Variants in CLIP2 observed in about 807,000 individuals in gnomAD.
CLIP2 encodes the protein CAP-Gly domain-containing linker protein 2.
Under a neutral mutation model 111.7 loss-of-function variants are expected in CLIP2, and 41 were observed. That is an observed-to-expected ratio of 0.37 (90% CI 0.29 to 0.48). The LOEUF (loss-of-function observed/expected upper bound fraction) is 0.48, where lower values mean the gene tolerates loss of function less well. Among genes scored for constraint, CLIP2 ranks in the 20% least tolerant of loss-of-function variants. The probability of loss-of-function intolerance (pLI) is 0.99; values close to 1 mark genes in which losing one functional copy is unlikely to be tolerated. For missense variants in CLIP2, 1,160 were observed against 1,422.1 expected (o/e 0.82, Z 2.96); for synonymous variants, 660 against 644.2 (o/e 1.02, Z -0.37).
At chr7:74,379,287 C>T (rs1790875677) in intron 10 of CLIP2, among the ~76,000 whole-genome samples, 1 of 151,592 alleles carries the variant, frequency 6.6e-6, no homozygotes, top group Non-Finnish European at 1.5e-5. Context: ...CAAGATCGTG[C>T]CACTGCACTC....
At chr7:74,314,158 G>A (rs1336123330) in intron 1 of CLIP2, among the ~76,000 whole-genome samples, 7 of 148,990 alleles carry the variant, frequency 4.7e-5, no homozygotes, top group Non-Finnish European at 5.9e-5. Context: ...CTCCAGCCTG[G>A]GTGTCAAAGT....
In CLIP2 at chr7:74,376,700, G is replaced by A. The variant is rs782223327; in HGVS notation, c.2299G>A (p.Glu767Lys). 3.7e-6 allele frequency: 6 copies of A among 1,613,152 alleles called. No individual in the cohort carries two copies. The highest frequency in any genetic ancestry group is 1.7e-5 in the Admixed American group (1 of 59,900). ...GGCCGAGAAGAAGATGTTGGACTACGAGCGGCTGCAGCGGGCAGAAGCCCA... is the reference window on the plus strand; with the variant it reads ...GGCCGAGAAGAAGATGTTGGACTACAAGCGGCTGCAGCGGGCAGAAGCCCA... Reference protein sequence around the residue: ...SLAEKKMLDYERLQRAEAQGK... With the variant: ...SLAEKKMLDYKRLQRAEAQGK... The change falls in exon 10 of 17, where the codon GAG becomes AAG. Residue 767 changes from glutamate to lysine, a missense_variant. This residue lies in a region of CLIP2 where 676 missense variants were observed against 777.8 expected (regional missense o/e 0.87). Transcript: ENST00000223398. The surrounding 1 kb of genome is among the most constrained non-coding windows in gnomAD (Gnocchi z 7.1).
chr7:74,302,555 G>C (rs1458262773), intron 1 of CLIP2, among the ~76,000 whole-genome samples: 2 of 152,124 alleles, frequency 1.3e-5, no homozygotes, highest in Admixed American at 1.3e-4. Context: ...AAGGTAGCAT[G>C]TGGGACCGGA....
At chr7:74,362,406 G>T (rs562470998) in intron 7 of CLIP2, among the ~76,000 whole-genome samples, 2 of 152,134 alleles carry the variant, frequency 1.3e-5, no homozygotes, top group Non-Finnish European at 1.5e-5. Context: ...TGTTACTGTC[G>T]GATTCAGGGA....
chr7:74,291,486 C>T (rs1788017340), intron 1 of CLIP2, among the ~76,000 whole-genome samples: 1 of 152,236 alleles, frequency 6.6e-6, no homozygotes, highest in South Asian at 2.1e-4. Context: ...AGCTATGTGA[C>T]CTTGCACATT....
chr7:74,382,573 A>C (rs926899277), intron 11 of CLIP2, among the ~76,000 whole-genome samples: 58 of 151,020 alleles, frequency 3.8e-4, no homozygotes, highest in African/African-American at 1.4e-3. Flanking sequence ...TGGTCTCCCA[A>C]AGTGCTGGGA....
chr7:74,356,532 C>T lies in CLIP2; in HGVS notation c.926C>T (p.Ser309Leu). The change falls in exon 5 of 17, where the codon TCA becomes TTA. Residue 309 changes from serine (S) to leucine (L), a missense_variant. Ser to Leu is a moderately radical substitution (Grantham distance 145, BLOSUM62 -2). Around this residue, in one of 5 missense-constraint regions of CLIP2, gnomAD observed 110 missense variants for 185.2 expected, o/e 0.59. Coordinates refer to ENST00000223398, the MANE Select transcript of CLIP2 (RefSeq NM_003388.5). The stretch of plus-strand genomic sequence containing the variant: ...ACCAAGCGTATGGCCATGGGTGTGT[C>T]AGCACTGACCCACAGTCCCAGCAGT... ...KKTKRMAMGV[S>L]ALTHSPSSSS... The T allele has an allele frequency of 2.5e-6, 4 of 1,614,212 alleles. No homozygotes were observed. The highest frequency in any genetic ancestry group is 3.4e-6 in the Non-Finnish European group (4 of 1,180,038).
At chr7:74,380,997 A>C (rs1554313818) in intron 11 of CLIP2, 134 bp downstream of exon 11, 1 of 827,482 alleles carries the variant, frequency 1.2e-6, no homozygotes, top group South Asian at 1.4e-5. Context: ...GCTGTGAGCT[A>C]TGTACTCCTG....
Position 74,394,254 on chromosome 7 carries a change from T to A in CLIP2, c.2721-2820T>A, listed in dbSNP as rs1325838671. 5.9e-4 allele frequency among the ~76,000 whole-genome samples: 87 copies of A among 146,718 alleles called. 2 individuals are homozygous for A. The highest frequency in any genetic ancestry group is 3.0e-3 in the Admixed American group (44 of 14,724). On this transcript the variant is annotated intron_variant, in intron 13 of 16. Transcript: ENST00000223398. ...CCTTCTTTTTCTTCTTATTTTTTTTTTTTTTTTTTTTTTGAGATGGAGTTT... is the reference window on the plus strand; with the variant it reads ...CCTTCTTTTTCTTCTTATTTTTTTTATTTTTTTTTTTTTGAGATGGAGTTT...
intron 1 of CLIP2, among the ~76,000 whole-genome samples, chr7:74,301,438 A>G (rs1312165755): frequency 6.6e-6 from 1 of 152,148 alleles, no homozygotes; most frequent in Non-Finnish European, 1.5e-5. Flanking sequence ...GCTGCAGTGC[A>G]ATAGCGTGAT....
intron 3 of CLIP2, among the ~76,000 whole-genome samples, chr7:74,342,732 G>A (rs1554305589): frequency 6.6e-6 from 1 of 152,022 alleles, no homozygotes; most frequent in African/African-American, 2.4e-5. Context: ...TGGGCAACAT[G>A]GTGAAACCTC....
chr7:74,380,768 A>G (rs1410755781), intron 10 of CLIP2, 38 bp from the exon 11 acceptor site: 1 of 1,571,616 alleles, frequency 6.4e-7, no homozygotes, highest in Non-Finnish European at 8.7e-7. Flanking sequence ...GCCAAGGGGC[A>G]GAGGTGAGCA....
At chr7:74,403,089 C>G (rs1165654353) in intron 16 of CLIP2, among the ~76,000 whole-genome samples, 1 of 150,792 alleles carries the variant, frequency 6.6e-6, no homozygotes, top group Admixed American at 6.6e-5. Context: ...TGTGGTGGCA[C>G]ATGCCTGTAG....
intron 16 of CLIP2, among the ~76,000 whole-genome samples, chr7:74,402,990 C>T (rs1791661438): frequency 6.6e-6 from 1 of 151,740 alleles, no homozygotes; most frequent in African/African-American, 2.4e-5. Flanking sequence ...GCAGGTGGAT[C>T]ACTTGAGGTC....
intron 11 of CLIP2, among the ~76,000 whole-genome samples, chr7:74,384,833 C>T (rs1403381825): frequency 6.6e-6 from 1 of 151,856 alleles, no homozygotes; most frequent in Non-Finnish European, 1.5e-5. Flanking sequence ...AGAATCGGCA[C>T]ATCTAGTTCC....
intron 1 of CLIP2, among the ~76,000 whole-genome samples, chr7:74,290,740 C>T (rs1485960438): frequency 2.0e-5 from 3 of 152,172 alleles, no homozygotes; most frequent in Non-Finnish European, 2.9e-5. Context: ...CGGGGAGCAC[C>T]ACGTGTGTGC....
chr7:74,362,528 C>CTTTTTTTTTTTTTTTTTTTTT (rs3044338), intron 7 of CLIP2, among the ~76,000 whole-genome samples: 15 of 121,968 alleles, frequency 1.2e-4, no homozygotes, highest in Non-Finnish European at 2.0e-4. Flanking sequence ...TTTTTCTTTT[C>CTTTTTTTTTTTTTTTTTTTTT]TTTTTTTTTT....
chr7:74,316,728 A>G (rs1788783621), intron 1 of CLIP2, among the ~76,000 whole-genome samples: 2 of 151,958 alleles, frequency 1.3e-5, no homozygotes, highest in South Asian at 2.1e-4. Flanking sequence ...AGCCTGGCTA[A>G]TTTTTGTATT....
chr7:74,351,125 G>A (rs13240462), intron 3 of CLIP2, among the ~76,000 whole-genome samples: 5 of 145,410 alleles, frequency 3.4e-5, no homozygotes, highest in Non-Finnish European at 7.8e-5. Flanking sequence ...GAAAGAGAGA[G>A]AGAAAGAAAG....
Sources: allele counts gnomAD v4.1 joint callset (sites outside exome capture counted in the v4.1 genomes callset), GRCh38; gene constraint gnomAD v4.1.1; regional missense constraint gnomAD v4.1.1; non-coding constraint Gnocchi (gnomAD v3.1); transcripts MANE v1.5; gene names NCBI Gene and HGNC (gene_info 2026-07-23, HGNC 2026-07-21).